The following GRK7 variants were observed in gnomAD, a reference collection of about 807,000 sequenced individuals.
GRK7 encodes rhodopsin kinase GRK7.
Under a neutral mutation model 34.1 loss-of-function variants are expected in GRK7, and 24 were observed. That is an observed-to-expected ratio of 0.70 (90% CI 0.51 to 0.99). GRK7 has a LOEUF of 0.99. GRK7 is among the 50% of genes least tolerant of loss of function. GRK7 has a pLI of 0.00. For missense variants in GRK7, 644 were observed against 707.3 expected, an observed-to-expected ratio of 0.91 and a Z score of 1.02; for synonymous variants, 256 against 279.4, an observed-to-expected ratio of 0.92 and a Z score of 0.84.
intron 1 of GRK7, among the ~76,000 whole-genome samples, chr3:141,768,607 A>G (rs1472291670): frequency 4.6e-5 from 7 of 152,076 alleles, no homozygotes; most frequent in Non-Finnish European, 1.5e-5. Flanking sequence ...AGCACAAGAC[A>G]CTACCATTAA....
At chr3:141,760,387 A>G (rs1373669618), upstream of GRK7, among the ~76,000 whole-genome samples, 2 of 143,018 alleles carry the variant, frequency 1.4e-5, no homozygotes, top group Non-Finnish European at 3.0e-5. Flanking sequence ...GTAGTCATTC[A>G]GGAGCCGGTT....
At chr3:141,791,901 A>C (rs145747573) in intron 4 of GRK7, among the ~76,000 whole-genome samples, 2,757 of 151,202 alleles carry the variant, frequency 0.018, 89 homozygotes, top group African/African-American at 0.063. Context: ...CTACTTGGGA[A>C]GCTGAGGTAG....
At chr3:141,815,756 G>A (rs1711146227) in intron 5 of GRK7, among the ~76,000 whole-genome samples, 2 of 151,348 alleles carry the variant, frequency 1.3e-5, no homozygotes, top group African/African-American at 4.9e-5. Context: ...GGGAAAGCCA[G>A]CTGCAATGTT....
intron 4 of GRK7, among the ~76,000 whole-genome samples, chr3:141,802,936 C>A (rs1195104095): frequency 6.6e-6 from 1 of 152,122 alleles, no homozygotes; most frequent in Non-Finnish European, 1.5e-5. Flanking sequence ...CCTCACTCTC[C>A]TTTTCCCTTC....
At position 141,764,306 on chromosome 3, in the gene GRK7, C is replaced by T. The variant is rs2084569906; in HGVS notation, c.-1647C>T. Among the ~76,000 whole-genome samples the T allele has an allele frequency of 6.6e-6, 1 of 152,196 alleles. No homozygotes were observed. The highest frequency in any genetic ancestry group is 1.5e-5 in the Non-Finnish European group (1 of 68,028). On this transcript the variant is annotated 5_prime_UTR_variant, in exon 1 of 6. Coordinates refer to ENST00000682958, the MANE Select transcript of GRK7 (RefSeq NM_139209.3). ...AGCAAGACTCCTCAAGAGTAGCTTACACTAGCTGCCTCCAATTCATTGATT... is the reference window on the plus strand; with the variant it reads ...AGCAAGACTCCTCAAGAGTAGCTTATACTAGCTGCCTCCAATTCATTGATT...
At chr3:141,810,886 A>G (rs1711086303) in intron 5 of GRK7, among the ~76,000 whole-genome samples, 1 of 152,072 alleles carries the variant, frequency 6.6e-6, no homozygotes, top group Admixed American at 6.6e-5. Flanking sequence ...AACAATCTCT[A>G]CCCTCATGAT....
intron 5 of GRK7, among the ~76,000 whole-genome samples, chr3:141,815,237 TTG>T (rs1257434469): frequency 2.1e-5 from 3 of 141,052 alleles, no homozygotes; most frequent in South Asian, 2.2e-4. Context: ...TTTTTTTTGT[TTG>T]TTTGTTTGTT....
intron 4 of GRK7, among the ~76,000 whole-genome samples, chr3:141,800,380 T>TA (rs5853047): frequency 0.013 from 1,013 of 79,492 alleles, 5 homozygotes; most frequent in Non-Finnish European, 0.014. Flanking sequence ...TTGTCATTTG[T>TA]AAAAAAAAAA....
chr3:141,806,512 G>A (rs2107893258), intron 4 of GRK7, among the ~76,000 whole-genome samples: 1 of 152,160 alleles, frequency 6.6e-6, no homozygotes. Context: ...GCAGTGAGCT[G>A]AGATCAGGAC....
intron 2 of GRK7, among the ~76,000 whole-genome samples, chr3:141,777,706 G>A (rs945134769): frequency 1.3e-5 from 2 of 151,478 alleles, no homozygotes; most frequent in African/African-American, 4.9e-5. Flanking sequence ...GAGTCCTTAG[G>A]GCCTCTGGGA....
At chr3:141,759,471 T>C (rs1384318428), upstream of GRK7, among the ~76,000 whole-genome samples, 33 of 143,144 alleles carry the variant, frequency 2.3e-4, no homozygotes, top group Middle Eastern at 6.9e-3. Context: ...TTGATTTGCG[T>C]ATATTGAACC....
At chr3:141,795,190 G>A (rs1005801018) in intron 4 of GRK7, among the ~76,000 whole-genome samples, 3 of 152,198 alleles carry the variant, frequency 2.0e-5, no homozygotes, top group Admixed American at 2.0e-4. Flanking sequence ...GCTAGGTAAA[G>A]GGATCAGCAG....
intron 4 of GRK7, among the ~76,000 whole-genome samples, chr3:141,797,938 G>T (rs1710912544): frequency 6.6e-6 from 1 of 152,166 alleles, no homozygotes. Flanking sequence ...GAGGTGAACT[G>T]TGCCCTCTCA....
chr3:141,798,696 C>G (rs957702669), intron 4 of GRK7, among the ~76,000 whole-genome samples: 16 of 152,190 alleles, frequency 1.1e-4, no homozygotes, highest in African/African-American at 3.6e-4. Context: ...TCTGAGGAGG[C>G]AGTTCACATG....
chr3:141,770,987 C>G (rs2084614279), intron 1 of GRK7, among the ~76,000 whole-genome samples: 1 of 125,840 alleles, frequency 7.9e-6, no homozygotes, highest in South Asian at 3.0e-4. Flanking sequence ...TGAGTGATAC[C>G]CAGTCTCAAA....
intron 2 of GRK7, among the ~76,000 whole-genome samples, chr3:141,775,584 C>T (rs114600438): frequency 6.6e-6 from 1 of 152,104 alleles, no homozygotes; most frequent in African/African-American, 2.4e-5. Flanking sequence ...GAACATGTGG[C>T]TACTTAGCAT....
At chr3:141,816,323 G>A (rs1415597965) in intron 5 of GRK7, among the ~76,000 whole-genome samples, 1 of 152,180 alleles carries the variant, frequency 6.6e-6, no homozygotes, top group African/African-American at 2.4e-5. Context: ...AGTGGTGGTT[G>A]TGTGGGACAG....
intron 4 of GRK7, among the ~76,000 whole-genome samples, chr3:141,793,733 C>A (rs2084736571): frequency 6.6e-6 from 1 of 152,216 alleles, no homozygotes; most frequent in Non-Finnish European, 1.5e-5. Context: ...GGGAGGGGTG[C>A]AGCTGTGAGC....
Position 141,778,572 on chromosome 3 carries a change from C to A in GRK7, c.288C>A (p.Ala96=). The A allele has an allele frequency of 6.2e-7, 1 of 1,613,148 alleles. No individual in the cohort carries two copies. The highest frequency in any genetic ancestry group is 8.5e-7 in the Non-Finnish European group (1 of 1,179,834). The change falls in exon 3 of 6, where the codon GCC becomes GCA. Residue 96 remains alanine (A), a synonymous_variant. Coordinates refer to ENST00000682958, the MANE Select transcript of GRK7 (RefSeq NM_139209.3). This position sits in a 1 kb window ranked among gnomAD's most constrained non-coding sequence, Gnocchi z 4.1. The part of the protein sequence containing the change: ...FLEDVQNWEL[A]EEGPTKDSAL... ...AGGACGTGCAGAACTGGGAGCTGGC[C>A]GAGGAGGGACCCACCAAAGACAGCG...
Sources: allele counts gnomAD v4.1 joint callset (sites outside exome capture counted in the v4.1 genomes callset), GRCh38; gene constraint gnomAD v4.1.1; non-coding constraint Gnocchi (gnomAD v3.1); transcripts MANE v1.5; gene names NCBI Gene and HGNC (gene_info 2026-07-23, HGNC 2026-07-21).